The following FBXO4 variants were observed in gnomAD, a reference collection of about 807,000 sequenced individuals.
The protein encoded by FBXO4 is F-box only protein 4.
In FBXO4, 36 loss-of-function variants were observed where a neutral mutation model predicts 43.7. The observed-to-expected ratio is 0.82, with a 90% CI of 0.63 to 1.09. The LOEUF is 1.09. Ranked by LOEUF, FBXO4 falls within the 50% of genes least tolerant of loss-of-function variation. The pLI is 0.00. For missense variants in FBXO4, 435 were observed against 474.1 expected (o/e 0.92, Z 0.77); for synonymous variants, 180 against 165.6 (o/e 1.09, Z -0.67).
chr5:41,959,844 G>C, the FBXO4 span, among the ~76,000 whole-genome samples: 1 of 152,036 alleles, frequency 6.6e-6, no homozygotes, highest in East Asian at 1.9e-4. Context: ...TGGCTATTCA[G>C]TCTTTTGTGG....
At chr5:41,968,290 C>T in the FBXO4 span, 1,815 of 166,304 alleles carry the variant, frequency 0.011, 39 homozygotes, top group African/African-American at 0.041. Flanking sequence ...GTGGAAAGGG[C>T]GAGGACAGAG....
At chr5:42,003,516 A>G in the FBXO4 span, among the ~76,000 whole-genome samples, 1 of 152,056 alleles carries the variant, frequency 6.6e-6, no homozygotes, top group East Asian at 1.9e-4. Flanking sequence ...GTATTTATTT[A>G]TTTATTTATT....
intron 1 of FBXO4, 44 bp downstream of exon 1, chr5:41,925,542 G>A: frequency 7.8e-7 from 1 of 1,277,296 alleles, no homozygotes; most frequent in Non-Finnish European, 1.0e-6. Context: ...GGGCCGGCCC[G>A]GGCCGGAGGG....
the FBXO4 span, among the ~76,000 whole-genome samples, chr5:42,032,771 A>G: frequency 7.2e-5 from 11 of 152,190 alleles, no homozygotes; most frequent in African/African-American, 2.6e-4. Flanking sequence ...GTCCCCTTTT[A>G]CTTTTCCCTC....
At chr5:42,015,970 G>A in the FBXO4 span, among the ~76,000 whole-genome samples, 1 of 152,162 alleles carries the variant, frequency 6.6e-6, no homozygotes, top group African/African-American at 2.4e-5. Context: ...TGTGCTTAGG[G>A]AGTCAGGGAT....
chr5:41,994,502 C>A, the FBXO4 span, among the ~76,000 whole-genome samples: 1 of 152,044 alleles, frequency 6.6e-6, no homozygotes, highest in African/African-American at 2.4e-5. Context: ...ATGGAGTGAC[C>A]CCAACCTTCA....
At chr5:42,018,117 T>C in the FBXO4 span, among the ~76,000 whole-genome samples, 7 of 149,754 alleles carry the variant, frequency 4.7e-5, no homozygotes, top group Non-Finnish European at 1.0e-4. Flanking sequence ...AATGAATAAT[T>C]TCATTATTAT....
intron 2 of FBXO4, among the ~76,000 whole-genome samples, chr5:41,929,336 T>G (rs939419345): frequency 6.6e-6 from 1 of 152,232 alleles, no homozygotes; most frequent in African/African-American, 2.4e-5. Flanking sequence ...CATTGCCAAA[T>G]GTTCCAGGGG....
At chr5:41,972,095 C>A in the FBXO4 span, among the ~76,000 whole-genome samples, 3 of 152,062 alleles carry the variant, frequency 2.0e-5, no homozygotes, top group African/African-American at 7.2e-5. Context: ...CCAGAGCAAT[C>A]AGTCAAGAGA....
the FBXO4 span, among the ~76,000 whole-genome samples, chr5:41,973,153 A>G: frequency 6.6e-6 from 1 of 152,222 alleles, no homozygotes. Context: ...AAGTGGGAAA[A>G]AATATTTTTG....
rs775774850 is a variant in FBXO4 at position 41,927,071 on chromosome 5, G to GA, written c.250dup (p.Ser84LysfsTer8). The GA allele has an allele frequency of 5.6e-6, 9 of 1,613,682 alleles. No individual in the cohort carries two copies. The African/African-American group carries it at 9.3e-5, about 17-fold the overall frequency. Reference sequence around the variant, plus strand: ...TCACCTCATGATCTGTGTCAGTTGGGAAGTACAAATCATTATTGGAATGAA... The same window carrying GA: ...TCACCTCATGATCTGTGTCAGTTGGGAAAGTACAAATCATTATTGGAATGAA... On this transcript the variant is annotated frameshift_variant, in exon 2 of 7. Transcript: ENST00000281623. LOFTEE classifies it high-confidence loss of function.
At chr5:42,028,196 G>A in the FBXO4 span, among the ~76,000 whole-genome samples, 1 of 151,722 alleles carries the variant, frequency 6.6e-6, no homozygotes, top group Admixed American at 6.6e-5. Context: ...TATACATGTT[G>A]GTGCTCAAGT....
At chr5:42,034,298 T>C in the FBXO4 span, among the ~76,000 whole-genome samples, 1 of 152,200 alleles carries the variant, frequency 6.6e-6, no homozygotes, top group African/African-American at 2.4e-5. Flanking sequence ...AAAAATTTTC[T>C]CCCATTCTGT....
the FBXO4 span, among the ~76,000 whole-genome samples, chr5:42,017,942 C>A: frequency 6.6e-6 from 1 of 151,754 alleles, no homozygotes; most frequent in African/African-American, 2.4e-5. Context: ...GATTTGTTTT[C>A]TTTTGGATAT....
chr5:41,970,021 CT>C, the FBXO4 span, among the ~76,000 whole-genome samples: 2 of 152,048 alleles, frequency 1.3e-5, no homozygotes, highest in African/African-American at 4.8e-5. Flanking sequence ...ACATTTAAAT[CT>C]TTTTACATCC....
At chr5:41,967,190 G>T in the FBXO4 span, 1 of 479,746 alleles carries the variant, frequency 2.1e-6, no homozygotes, top group Non-Finnish European at 4.2e-6. Flanking sequence ...CGTTCTTCAA[G>T]CCTCAGCACT....
rs187242295 is a variant in FBXO4, at chr5:41,937,317, C to T, written c.899-2124C>T. Among the ~76,000 whole-genome samples, 446 of 152,174 alleles carry T rather than the reference C, an allele frequency of 2.9e-3. 8 individuals carry two copies. The highest frequency in any genetic ancestry group is 3.2e-3 in the African/African-American group (132 of 41,508). On this transcript the variant is annotated intron_variant, in intron 5 of 6. Coordinates refer to ENST00000281623, the MANE Select transcript of FBXO4 (RefSeq NM_012176.3). ...TACATACAGGCCAAGATAATAGTGA[C>T]GGCAAATTTCCTGTCAGAATTGCTG...
the FBXO4 span, among the ~76,000 whole-genome samples, chr5:42,001,524 G>A: frequency 2.0e-5 from 3 of 152,126 alleles, no homozygotes; most frequent in Admixed American, 6.5e-5. Flanking sequence ...GGGCCACCAT[G>A]CCTGGCCAAT....
At chr5:41,988,720 T>A in the FBXO4 span, among the ~76,000 whole-genome samples, 6 of 152,198 alleles carry the variant, frequency 3.9e-5, no homozygotes, top group Non-Finnish European at 7.4e-5. Flanking sequence ...GTTTGCTCTA[T>A]GATCTCACTT....
Sources: gnomAD v4.1 joint callset for allele counts (sites outside exome capture counted in the v4.1 genomes callset) on GRCh38, gnomAD v4.1.1 for gene constraint, MANE v1.5 for transcripts, NCBI Gene and HGNC (gene_info 2026-07-23, HGNC 2026-07-21) for gene names.